The following ARMH1 variants were observed in gnomAD, a reference collection of about 807,000 sequenced individuals.
ARMH1 encodes armadillo like helical domain containing 1, also known as armadillo-like helical domain containing protein 1.
Under a neutral mutation model 50.2 loss-of-function variants are expected in ARMH1, and 34 were observed. The ratio of observed to expected loss-of-function variants is 0.68; its 90% CI spans 0.51 to 0.90. The LOEUF is 0.90. Ranked by LOEUF, ARMH1 falls within the 40% of genes least tolerant of loss-of-function variation. ARMH1 has a pLI of 0.00. For missense variants in ARMH1, 538 were observed against 553.9 expected, an observed-to-expected ratio of 0.97 and a Z score of 0.29; for synonymous variants, 221 against 224.2, an observed-to-expected ratio of 0.99 and a Z score of 0.13.
intron 5 of ARMH1, among the ~76,000 whole-genome samples, chr1:44,701,582 C>T (rs1646082742): frequency 6.6e-6 from 1 of 151,280 alleles, no homozygotes; most frequent in Non-Finnish European, 1.5e-5. Context: ...GGTGAGCATA[C>T]GAAGACATCG....
intron 6 of ARMH1, among the ~76,000 whole-genome samples, chr1:44,705,256 C>T (rs928540443): frequency 2.0e-5 from 3 of 151,836 alleles, no homozygotes; most frequent in East Asian, 1.9e-4. Flanking sequence ...TTTGGGAGGC[C>T]GAGGCAGGCG....
At chr1:44,705,428 G>C (rs1018384289) in intron 6 of ARMH1, among the ~76,000 whole-genome samples, 1 of 151,922 alleles carries the variant, frequency 6.6e-6, no homozygotes, top group African/African-American at 2.4e-5. Context: ...AGGAGGCGGA[G>C]GTTGCATTGA....
chr1:44,716,968 A>C (rs1226350700), intron 6 of ARMH1, among the ~76,000 whole-genome samples: 2 of 150,250 alleles, frequency 1.3e-5, no homozygotes, highest in East Asian at 3.9e-4. Flanking sequence ...CTCCTGCCTC[A>C]GCCTCCCAAG....
At chr1:44,686,708 A>G (rs1409902829) in intron 1 of ARMH1, among the ~76,000 whole-genome samples, 1 of 152,170 alleles carries the variant, frequency 6.6e-6, no homozygotes, top group African/African-American at 2.4e-5. Context: ...AACACTATTG[A>G]TTTAACTCTA....
At chr1:44,712,895 C>T (rs1244971131) in intron 6 of ARMH1, among the ~76,000 whole-genome samples, 2 of 152,038 alleles carry the variant, frequency 1.3e-5, no homozygotes, top group African/African-American at 4.8e-5. Flanking sequence ...AACTCCTAAC[C>T]TCAGGTGATA....
At chr1:44,700,371 A>G (rs1646017560) in intron 4 of ARMH1, among the ~76,000 whole-genome samples, 1 of 152,134 alleles carries the variant, frequency 6.6e-6, no homozygotes, top group Non-Finnish European at 1.5e-5. Context: ...TAATCCCAAC[A>G]CTTCGGGAGG....
intron 6 of ARMH1, among the ~76,000 whole-genome samples, chr1:44,719,995 G>A (rs1573486882): frequency 6.6e-6 from 1 of 152,138 alleles, no homozygotes; most frequent in Non-Finnish European, 1.5e-5. Context: ...AGGAGTTAGA[G>A]ACCAGCCTGG....
In ARMH1 at chr1:44,689,906, A is replaced by C. The variant is rs1168662665; in HGVS notation, c.206+3A>C. On this transcript the variant is annotated splice_donor_region_variant and intron_variant, in intron 2 of 11. Coordinates refer to ENST00000535358, the MANE Select transcript of ARMH1 (RefSeq NM_001145636.2). ...TTGACCACCTCGCTTAGAATCACGT[A>C]TCCTTTACTGAACAGAAAAAAAAAA... 1 of 1,549,430 alleles carries C rather than the reference A, an allele frequency of 6.5e-7. No homozygotes were observed. The highest frequency in any genetic ancestry group is 2.0e-5 in the Admixed American group (1 of 50,934).
chr1:44,697,116 C>A lies in ARMH1; in HGVS notation c.221C>A (p.Ser74Ter), dbSNP rs1166141079. Residue 74 changes from serine (S) to a stop codon, truncating the protein, a stop_gained, in exon 3 of 12, where the codon TCA (serine) becomes TAA (stop). Transcript: ENST00000535358. LOFTEE classifies it high-confidence loss of function. ...GTGTCATACAGCTATATGACTGACT[C>A]ATGTTTAGAAAAGCTTCTCAGGTCC... ...TSLRITYMTD[S>*]CLEKLLRSIG... 6.4e-7 allele frequency: 1 copy of A among 1,551,816 alleles called. No individual in the cohort carries two copies. Among genetic ancestry groups the A allele is most frequent in the African/African-American group, 1.4e-5 (1 of 73,004 alleles).
intron 6 of ARMH1, among the ~76,000 whole-genome samples, chr1:44,708,934 G>A (rs997193304): frequency 2.6e-5 from 4 of 152,054 alleles, no homozygotes; most frequent in African/African-American, 4.8e-5. Context: ...CTCCATTGAC[G>A]TGCAAATATG....
chr1:44,705,660 C>G (rs1236530625), intron 6 of ARMH1, among the ~76,000 whole-genome samples: 1 of 152,134 alleles, frequency 6.6e-6, no homozygotes, highest in South Asian at 2.1e-4. Flanking sequence ...GTATGCTTCC[C>G]AAGGTTACAC....
intron 6 of ARMH1, among the ~76,000 whole-genome samples, chr1:44,708,532 G>A (rs1005078572): frequency 1.3e-5 from 2 of 152,164 alleles, no homozygotes; most frequent in South Asian, 2.1e-4. Context: ...AGGGTCAGGG[G>A]TGCCCACTCC....
At position 44,701,100 on chromosome 1, in the gene ARMH1, A is replaced by G; in HGVS notation, c.620A>G (p.Gln207Arg). Residue 207 changes from glutamine to arginine, a missense_variant, in exon 5 of 12, where the codon CAG (glutamine) becomes CGG (arginine). Physicochemically the swap from Gln to Arg is conservative, Grantham distance 43. Transcript: ENST00000535358. The stretch of plus-strand genomic sequence containing the variant: ...CCAAAAGCCCAGCAGCTGTCCCTGC[A>G]GACTCTCAGGACTGCCCAGGTGAGC... ...ESPKAQQLSL[Q>R]TLRTAQPIIG... 1 of 1,551,292 alleles carries G rather than the reference A, an allele frequency of 6.4e-7. No homozygotes were observed. The highest frequency in any genetic ancestry group is 1.4e-5 in the African/African-American group (1 of 73,148).
intron 6 of ARMH1, among the ~76,000 whole-genome samples, chr1:44,709,402 G>A (rs1295089740): frequency 6.6e-6 from 1 of 152,200 alleles, no homozygotes; most frequent in African/African-American, 2.4e-5. Flanking sequence ...GGCAGGCGCG[G>A]TGGCTCACGC....
At chr1:44,721,513 T>TAA (rs566172951) in intron 6 of ARMH1, among the ~76,000 whole-genome samples, 10 of 149,124 alleles carry the variant, frequency 6.7e-5, no homozygotes, top group African/African-American at 2.2e-4. Flanking sequence ...GGTTTTCTTT[T>TAA]AAAAAAAAAA....
chr1:44,680,591 G>A lies in ARMH1; in HGVS notation c.-23+5718G>A, dbSNP rs138827402. Reference sequence around the variant, plus strand: ...GCAAGTAGGAAGGGTAGAAGCTTACGGAAAAAGTAGTTAGGAGATGGCTTT... The same window carrying A: ...GCAAGTAGGAAGGGTAGAAGCTTACAGAAAAAGTAGTTAGGAGATGGCTTT... On this transcript the variant is annotated intron_variant, in intron 1 of 11. Transcript: ENST00000535358. Among the ~76,000 whole-genome samples, 522 of 152,304 alleles carry A rather than the reference G, an allele frequency of 3.4e-3. 6 individuals are homozygous for A. Among genetic ancestry groups the A allele is most frequent in the Admixed American group, 0.014 (213 of 15,298 alleles).
intron 1 of ARMH1, among the ~76,000 whole-genome samples, chr1:44,680,533 C>A (rs962229604): frequency 2.6e-5 from 4 of 152,140 alleles, no homozygotes; most frequent in African/African-American, 7.2e-5. Flanking sequence ...TCCAGTAGGC[C>A]ACAGTGAGCT....
chr1:44,721,691 T>TA (rs1647171672), intron 6 of ARMH1: 2 of 151,982 alleles, frequency 1.3e-5, no homozygotes, highest in South Asian at 2.1e-4. Context: ...ACCACACCAC[T>TA]CCGCTACAAC....
At chr1:44,709,473 C>T (rs564853123) in intron 6 of ARMH1, among the ~76,000 whole-genome samples, 10 of 152,258 alleles carry the variant, frequency 6.6e-5, no homozygotes, top group Non-Finnish European at 7.4e-5. Flanking sequence ...GAGATCGAGA[C>T]CATCCTGGCT....
Sources: allele counts gnomAD v4.1 joint callset (sites outside exome capture counted in the v4.1 genomes callset), GRCh38; gene constraint gnomAD v4.1.1; transcripts MANE v1.5; gene names NCBI Gene and HGNC (gene_info 2026-07-23, HGNC 2026-07-21).